PPL: variants seen among roughly 807,000 people sequenced by gnomAD.
PPL encodes the protein 190 kDa paraneoplastic pemphigus antigen.
A neutral mutation model predicts 194.4 loss-of-function variants in PPL; 198 were observed. That is an observed-to-expected ratio of 1.02 (90% CI 0.91 to 1.15). The LOEUF is 1.15. PPL is among the 50% of genes most tolerant of loss of function. The pLI, the probability that PPL is intolerant of heterozygous loss-of-function variation, is 0.00. For synonymous variants in PPL, 1,220 were observed against 972.4 expected, an observed-to-expected ratio of 1.25 and a Z score of -4.74; for missense variants, 2,885 against 2,294.8, an observed-to-expected ratio of 1.26 and a Z score of -5.25.
At position 4,890,269 on chromosome 16, in the gene PPL, A is replaced by G. The variant is rs2088294563; in HGVS notation, c.2228T>C (p.Leu743Pro). 6.2e-7 allele frequency: 1 copy of G among 1,614,220 alleles called. No homozygotes were observed. ...EHFHRGHDHV[L>P]QFLVSIPSYE... Reference sequence around the variant, plus strand: ...ACTGGGGATGCTGACTAGGAACTGCAGCACGTGGTCATGGCCGCGGTGGAA... The same window carrying G: ...ACTGGGGATGCTGACTAGGAACTGCGGCACGTGGTCATGGCCGCGGTGGAA... Residue 743 changes from leucine to proline, a missense_variant, in exon 18 of 22, where the codon CTG becomes CCG. Transcript: ENST00000345988.
At chr16:4,888,706 T>G (rs2088258187) in intron 19 of PPL, 1 of 460,240 alleles carries the variant, frequency 2.2e-6, no homozygotes, top group Non-Finnish European at 3.8e-6. Flanking sequence ...ATGTTGTTTA[T>G]CCTGCATTTT....
rs570122391 is a variant in PPL, at chr16:4,903,440, ATGTGTAATCCCAGCACTT to A, written c.317+428_317+445del. ...TGTGAGGCTGGGCGCGGTGGCTCAC[ATGTGTAATCCCAGCACTT>A]TGTGTAATCCCAGCACTTTGGGAGG... is the stretch of plus-strand genomic sequence containing the variant. On this transcript the variant is annotated intron_variant, in intron 3 of 21. Transcript: ENST00000345988. 8.9e-4 allele frequency among the ~76,000 whole-genome samples: 135 copies of A among 152,164 alleles called. No homozygotes were observed. In the South Asian group the frequency reaches 0.025, roughly 28 times the overall value.
chr16:4,916,272 G>C (rs936873260), intron 1 of PPL, among the ~76,000 whole-genome samples: 3 of 152,008 alleles, frequency 2.0e-5, no homozygotes, highest in African/African-American at 7.3e-5. Context: ...GAGTGCACTG[G>C]CATGATCTCG....
intron 4 of PPL, among the ~76,000 whole-genome samples, chr16:4,901,985 G>A (rs1272694118): frequency 6.9e-6 from 1 of 145,864 alleles, no homozygotes; most frequent in African/African-American, 2.7e-5. Context: ...AATAAAACTG[G>A]GGAAGCTAAG....
At chr16:4,910,642 G>A (rs1238844654) in intron 2 of PPL, among the ~76,000 whole-genome samples, 1 of 152,202 alleles carries the variant, frequency 6.6e-6, no homozygotes, top group East Asian at 1.9e-4. Flanking sequence ...GTGCACGGTA[G>A]GGTGTTCAGC....
chr16:4,884,963 A>G lies in PPL; in HGVS notation c.3692T>C (p.Val1231Ala). The stretch of plus-strand genomic sequence containing the variant: ...CTTGTACTTAATGACTTCCTTAGTC[A>G]CCTCTTTGACTTCCACCTGGGGGCC... The part of the protein sequence containing the change: ...RRGPQVEVKE[V>A]TKEVIKYKTD... The change falls in exon 22 of 22, where the codon GTG (valine) becomes GCG (alanine). Residue 1231 changes from valine (V) to alanine (A), a missense_variant. Val to Ala is a moderately conservative substitution (Grantham distance 64, BLOSUM62 0). Coordinates refer to ENST00000345988, the MANE Select transcript of PPL (RefSeq NM_002705.5). This position sits in a 1 kb window ranked among gnomAD's most constrained non-coding sequence, Gnocchi z 5.7. 1.2e-6 allele frequency: 2 copies of G among 1,613,882 alleles called. No individual in the cohort carries two copies. Among genetic ancestry groups the G allele is most frequent in the South Asian group, 2.2e-5 (2 of 91,076 alleles).
At position 4,887,200 on chromosome 16, in the gene PPL, C is replaced by A; in HGVS notation, c.2542G>T (p.Glu848Ter). The change falls in exon 21 of 22, where the codon GAA becomes TAA. Residue 848 changes from glutamate to a stop codon, truncating the protein, a stop_gained. Transcript: ENST00000345988. LOFTEE classifies it high-confidence loss of function. ...CTCTGTCTGTTGATGGCATAAACTT[C>A]AGTGAACTTGGCGGCAAGTGCTGCT... is the stretch of plus-strand genomic sequence containing the variant. ...EEAALAAKFT[E>*]VYAINRQRLQ... The A allele has an allele frequency of 6.2e-7, 1 of 1,614,120 alleles. No homozygotes were observed. Among genetic ancestry groups the A allele is most frequent in the Non-Finnish European group, 8.5e-7 (1 of 1,179,988 alleles).
At chr16:4,916,286 C>T (rs2088915106) in intron 1 of PPL, among the ~76,000 whole-genome samples, 1 of 151,954 alleles carries the variant, frequency 6.6e-6, no homozygotes, top group Admixed American at 6.6e-5. Context: ...GATCTCGGCT[C>T]ACTCAGCCTC....
chr16:4,930,685 A>C (rs1005236880), intron 1 of PPL, among the ~76,000 whole-genome samples: 1 of 152,212 alleles, frequency 6.6e-6, no homozygotes, highest in African/African-American at 2.4e-5. Context: ...GATCTACCCC[A>C]GCAGAGAGGT....
intron 18 of PPL, among the ~76,000 whole-genome samples, chr16:4,889,912 T>C (rs2088288087): frequency 6.6e-6 from 1 of 152,262 alleles, no homozygotes; most frequent in Non-Finnish European, 1.5e-5. Context: ...ATTCTGTAGC[T>C]GTTCACTCAC....
intron 18 of PPL, 124 bp from the exon 19 acceptor site, chr16:4,889,185 T>G (rs989126613): frequency 9.8e-6 from 7 of 715,384 alleles, no homozygotes; most frequent in Non-Finnish European, 1.7e-5. Context: ...GTATGATGAA[T>G]GGCTCCCTTG....
At chr16:4,913,237 A>G (rs565750623) in intron 1 of PPL, among the ~76,000 whole-genome samples, 68 of 152,236 alleles carry the variant, frequency 4.5e-4, no homozygotes, top group Non-Finnish European at 8.7e-4. Flanking sequence ...ACCACTCTGG[A>G]AAATGCTCTA....
Position 4,895,632 on chromosome 16 carries a change from C to T in PPL, c.1057G>A (p.Asp353Asn). 1.2e-6 allele frequency: 2 copies of T among 1,614,078 alleles called. No homozygotes were observed. The highest frequency in any genetic ancestry group is 2.2e-5 in the South Asian group (2 of 91,082). Residue 353 changes from aspartate to asparagine, a missense_variant, in exon 10 of 22, where the codon GAC (aspartate) becomes AAC (asparagine). Physicochemically the swap from Asp to Asn is conservative, Grantham distance 23. Coordinates refer to ENST00000345988, the MANE Select transcript of PPL (RefSeq NM_002705.5). The part of the protein sequence containing the change: ...LNQKYGPDFK[D>N]RYQIELLLRE... Reference sequence around the variant, plus strand: ...AGCAGCAGCTCAATCTGGTACCGGTCCTTGAAGTCAGGGCCATACTTCTGG... The same window carrying T: ...AGCAGCAGCTCAATCTGGTACCGGTTCTTGAAGTCAGGGCCATACTTCTGG...
Position 4,884,835 on chromosome 16 carries a change from T to G in PPL, c.3820A>C (p.Lys1274Gln). The change falls in exon 22 of 22, where the codon AAG (lysine) becomes CAG (glutamine). Residue 1274 changes from lysine (K) to glutamine (Q), a missense_variant. Coordinates refer to ENST00000345988, the MANE Select transcript of PPL (RefSeq NM_002705.5). The surrounding 1 kb of genome is among the most constrained non-coding windows in gnomAD (Gnocchi z 5.7). ...RCDLEIYQLK[K>Q]EIQALKDTKP... ...GTGTCTTTCAGGGCCTGGATTTCCT[T>G]TTTCAGCTGGTAGATCTCTAAATCA... is the stretch of plus-strand genomic sequence containing the variant. The G allele has an allele frequency of 6.2e-7, 1 of 1,614,150 alleles. No homozygotes were observed. Among genetic ancestry groups the G allele is most frequent in the Non-Finnish European group, 8.5e-7 (1 of 1,180,028 alleles).
At position 4,885,330 on chromosome 16, in the gene PPL, C is replaced by T. The variant is rs145520571; in HGVS notation, c.3325G>A (p.Glu1109Lys). 5.4e-5 allele frequency: 87 copies of T among 1,612,602 alleles called. No individual in the cohort carries two copies. Among genetic ancestry groups the T allele is most frequent in the Non-Finnish European group, 6.9e-5 (82 of 1,179,996 alleles). Residue 1109 changes from glutamate (E) to lysine (K), a missense_variant, in exon 22 of 22, where the codon GAG (glutamate) becomes AAG (lysine). By Grantham distance (56) the Glu-to-Lys change is moderately conservative (BLOSUM62 1). Coordinates refer to ENST00000345988, the MANE Select transcript of PPL (RefSeq NM_002705.5). This position sits in a 1 kb window ranked among gnomAD's most constrained non-coding sequence, Gnocchi z 6.3. Reference sequence around the variant, plus strand: ...ACCTCCTTGACGGTGATCTTGCCCTCGGCCATGGCCCGCTCCTTCTCTAGC... The same window carrying T: ...ACCTCCTTGACGGTGATCTTGCCCTTGGCCATGGCCCGCTCCTTCTCTAGC... ...KRLEKERAMA[E>K]GKITVKEVLK...
At chr16:4,924,103 T>A (rs1354676872) in intron 1 of PPL, among the ~76,000 whole-genome samples, 1 of 152,192 alleles carries the variant, frequency 6.6e-6, no homozygotes, top group Non-Finnish European at 1.5e-5. Flanking sequence ...TTAAGTTGCT[T>A]TGTATGCAAG....
At chr16:4,921,466 C>G (rs1340704682) in intron 1 of PPL, among the ~76,000 whole-genome samples, 8 of 152,218 alleles carry the variant, frequency 5.3e-5, no homozygotes, top group Non-Finnish European at 1.0e-4. Flanking sequence ...CACAGCCCGA[C>G]CTGCTTTATT....
At chr16:4,893,179 C>G (rs760543985) in intron 14 of PPL, 34 bp downstream of exon 14, 2 of 1,502,088 alleles carry the variant, frequency 1.3e-6, no homozygotes, top group East Asian at 4.9e-5. Flanking sequence ...GCAGGGCTCC[C>G]CCGGCCCCAC....
At position 4,885,739 on chromosome 16, in the gene PPL, C is replaced by T. The variant is rs751104735; in HGVS notation, c.2916G>A (p.Glu972=). 1.2e-6 allele frequency: 2 copies of T among 1,613,110 alleles called. No individual in the cohort carries two copies. Among genetic ancestry groups the T allele is most frequent in the Non-Finnish European group, 1.7e-6 (2 of 1,179,980 alleles). ...HKNQLLQEEL[E]ALQLQLRALE... ...GGGCACGCAGCTGCAGCTGCAGTGC[C>T]TCCAGCTCCTCCTGCAGCAGCTGGT... Residue 972 remains glutamate, a synonymous_variant, in exon 22 of 22, where the codon GAG becomes GAA. Coordinates refer to ENST00000345988, the MANE Select transcript of PPL (RefSeq NM_002705.5). This position sits in a 1 kb window ranked among gnomAD's most constrained non-coding sequence, Gnocchi z 6.3.
Sources: allele counts gnomAD v4.1 joint callset (sites outside exome capture counted in the v4.1 genomes callset), GRCh38; gene constraint gnomAD v4.1.1; non-coding constraint Gnocchi (gnomAD v3.1); transcripts MANE v1.5; gene names NCBI Gene and HGNC (gene_info 2026-07-23, HGNC 2026-07-21).